The following CADM2 variants were observed in gnomAD, a reference collection of about 807,000 sequenced individuals.
CADM2 encodes immunoglobulin superfamily member 4D.
Under a neutral mutation model 49.8 loss-of-function variants are expected in CADM2, and 12 were observed. The observed-to-expected ratio is 0.24, with a 90% CI of 0.15 to 0.39. The LOEUF is 0.39. CADM2 is among the 10% of genes least tolerant of loss of function. The pLI is 1.00. For missense variants in CADM2, 378 were observed against 492.3 expected (o/e 0.77, Z 2.20); for synonymous variants, 214 against 175.4 (o/e 1.22, Z -1.74).
chr3:85,893,932 AGT>A (rs1340835439), intron 5 of CADM2, among the ~76,000 whole-genome samples: 1 of 152,238 alleles, frequency 6.6e-6, no homozygotes, highest in Non-Finnish European at 1.5e-5. Context: ...TGTGGAAGTC[AGT>A]GTGGCGATTC....
chr3:85,694,244 T>C (rs2107689242), intron 1 of CADM2, among the ~76,000 whole-genome samples: 1 of 152,332 alleles, frequency 6.6e-6, no homozygotes, highest in South Asian at 2.1e-4. Flanking sequence ...TGTTGACATC[T>C]TTGATGTGAC....
chr3:85,389,845 G>C (rs949967381), intron 1 of CADM2, among the ~76,000 whole-genome samples: 1 of 152,016 alleles, frequency 6.6e-6, no homozygotes, highest in Non-Finnish European at 1.5e-5. Context: ...TGCAAAGTAC[G>C]TTGACAATAA....
At chr3:85,466,291 T>C (rs1025780068) in intron 1 of CADM2, among the ~76,000 whole-genome samples, 67 of 152,300 alleles carry the variant, frequency 4.4e-4, no homozygotes, top group African/African-American at 1.5e-3. Context: ...TCCCCAATTT[T>C]ATACGTTTTT....
intron 7 of CADM2, among the ~76,000 whole-genome samples, chr3:85,955,805 G>A (rs1249363946): frequency 6.6e-6 from 1 of 151,380 alleles, no homozygotes; most frequent in Non-Finnish European, 1.5e-5. Flanking sequence ...AAAACACCGA[G>A]TTAATAGGTT....
At chr3:85,472,962 A>C (rs1378443919) in intron 1 of CADM2, among the ~76,000 whole-genome samples, 2 of 152,090 alleles carry the variant, frequency 1.3e-5, no homozygotes, top group Non-Finnish European at 2.9e-5. Context: ...TGCATGTTGA[A>C]CCATCAGTTT....
chr3:84,962,703 T>C (rs1194770285), intron 1 of CADM2, among the ~76,000 whole-genome samples: 1 of 152,168 alleles, frequency 6.6e-6, no homozygotes, highest in Non-Finnish European at 1.5e-5. Context: ...GCTTCTTTTT[T>C]TTAGCTTTAT....
At position 84,961,453 on chromosome 3, in the gene CADM2, T is replaced by C. The variant is rs576500298; in HGVS notation, c.61+1785T>C. Among the ~76,000 whole-genome samples the C allele has an allele frequency of 3.9e-5, 6 of 152,316 alleles. No individual in the cohort carries two copies. In the East Asian group the frequency reaches 1.2e-3, roughly 29 times the overall value. On this transcript the variant is annotated intron_variant, in intron 1 of 9. Transcript: ENST00000383699. ...GTGAAGGCAGACAGCACATTCTCCC[T>C]GCGTACACCGCCGAGTCCCATTTCT...
intron 1 of CADM2, among the ~76,000 whole-genome samples, chr3:85,038,981 C>T (rs1046798337): frequency 1.3e-5 from 2 of 151,924 alleles, no homozygotes; most frequent in African/African-American, 4.8e-5. Context: ...TTTTAAACTC[C>T]TTCATAATTT....
intron 2 of CADM2, among the ~76,000 whole-genome samples, chr3:85,756,535 A>G (rs1346635761): frequency 6.6e-6 from 1 of 152,176 alleles, no homozygotes; most frequent in African/African-American, 2.4e-5. Context: ...GGATTTGTAA[A>G]AGAAGATCAT....
At chr3:85,413,817 A>G (rs1458324064) in intron 1 of CADM2, among the ~76,000 whole-genome samples, 2 of 152,154 alleles carry the variant, frequency 1.3e-5, no homozygotes, top group Non-Finnish European at 2.9e-5. Context: ...ATAGAAACAC[A>G]ATACTGTGTC....
intron 1 of CADM2, among the ~76,000 whole-genome samples, chr3:84,996,988 C>A (rs367985326): frequency 1.2e-4 from 19 of 152,074 alleles, no homozygotes; most frequent in African/African-American, 4.6e-4. Flanking sequence ...CCTGCATCTT[C>A]TATAGACAAC....
At chr3:85,357,187 A>G (rs951984162) in intron 1 of CADM2, among the ~76,000 whole-genome samples, 5 of 152,152 alleles carry the variant, frequency 3.3e-5, no homozygotes, top group African/African-American at 1.2e-4. Flanking sequence ...TTAACTTTGG[A>G]AATGGCTTGT....
intron 2 of CADM2, among the ~76,000 whole-genome samples, chr3:85,774,473 G>A (rs1164277264): frequency 6.6e-6 from 1 of 151,718 alleles, no homozygotes; most frequent in African/African-American, 2.4e-5. Context: ...TAGTCCAGAA[G>A]TGGTTTTCAT....
intron 1 of CADM2, among the ~76,000 whole-genome samples, chr3:85,297,543 G>A (rs889884130): frequency 6.6e-6 from 1 of 151,920 alleles, no homozygotes; most frequent in African/African-American, 2.4e-5. Flanking sequence ...AGGGTACTGG[G>A]GTCTCAGCCA....
At position 85,738,114 on chromosome 3, in the gene CADM2, C is replaced by CTTGGCTGGG. The variant is rs1227903522; in HGVS notation, c.88+11566_88+11567insTTGGCTGGG. 5.8e-3 allele frequency among the ~76,000 whole-genome samples: 884 copies of CTTGGCTGGG among 152,208 alleles called. 12 individuals are homozygous for CTTGGCTGGG. Among genetic ancestry groups the CTTGGCTGGG allele is most frequent in the African/African-American group, 0.021 (856 of 41,548 alleles). ...CAGAAGTTATCTTGGGAAAGACAAT[C>CTTGGCTGGG]AAATCTCTTGGCTGCTTACCCAGAG... On this transcript the variant is annotated intron_variant, in intron 2 of 9. Transcript: ENST00000383699.
chr3:85,696,117 G>T (rs116193668), intron 1 of CADM2, among the ~76,000 whole-genome samples: 1,619 of 151,862 alleles, frequency 0.011, 33 homozygotes, highest in African/African-American at 0.035. Flanking sequence ...GAATTATTTG[G>T]TTTTTTCTCA....
intron 1 of CADM2, among the ~76,000 whole-genome samples, chr3:85,177,968 T>C (rs759612860): frequency 9.9e-5 from 15 of 151,980 alleles, no homozygotes; most frequent in Non-Finnish European, 1.9e-4. Flanking sequence ...CAAAGTTTTG[T>C]ACATTAAGCA....
chr3:85,576,005 G>C (rs1267500252), intron 1 of CADM2, among the ~76,000 whole-genome samples: 1 of 152,066 alleles, frequency 6.6e-6, no homozygotes, highest in Non-Finnish European at 1.5e-5. Context: ...TTTTCCTAGA[G>C]GGTTTTGTGA....
At chr3:86,044,786 A>G (rs1578047644) in intron 8 of CADM2, among the ~76,000 whole-genome samples, 1 of 152,204 alleles carries the variant, frequency 6.6e-6, no homozygotes, top group Non-Finnish European at 1.5e-5. Context: ...ACTATTCACA[A>G]TAGCAAAGAC....
Sources: allele counts gnomAD v4.1 joint callset (sites outside exome capture counted in the v4.1 genomes callset), GRCh38; gene constraint gnomAD v4.1.1; transcripts MANE v1.5; gene names NCBI Gene and HGNC (gene_info 2026-07-23, HGNC 2026-07-21).